SGCZ: variants seen among roughly 807,000 people sequenced by gnomAD.
SGCZ encodes the protein sarcoglycan zeta.
SGCZ carries 40 observed loss-of-function variants against 41.3 expected under a neutral mutation model. The observed-to-expected ratio is 0.97, with a 90% CI of 0.75 to 1.26. SGCZ has a LOEUF of 1.26. Ranked by LOEUF, SGCZ falls within the 50% of genes most tolerant of loss-of-function variation. The pLI, the probability that SGCZ is intolerant of heterozygous loss-of-function variation, is 0.00. For synonymous variants in SGCZ, 206 were observed against 137.5 expected (o/e 1.50, Z -3.49); for missense variants, 552 against 369.8 (o/e 1.49, Z -4.04).
intron 1 of SGCZ, among the ~76,000 whole-genome samples, chr8:15,008,412 CA>C (rs1373042398): frequency 6.6e-6 from 1 of 150,910 alleles, no homozygotes; most frequent in Non-Finnish European, 1.5e-5. Context: ...GATATAACCA[CA>C]ATTAGGAAAA....
At chr8:14,399,116 G>A (rs1009916940) in intron 2 of SGCZ, among the ~76,000 whole-genome samples, 3 of 152,026 alleles carry the variant, frequency 2.0e-5, no homozygotes, top group Admixed American at 6.6e-5. Context: ...AAAGAAAGTG[G>A]CACTCCCATT....
At chr8:14,595,726 A>G (rs1736273440) in intron 1 of SGCZ, among the ~76,000 whole-genome samples, 1 of 152,140 alleles carries the variant, frequency 6.6e-6, no homozygotes, top group African/African-American at 2.4e-5. Flanking sequence ...GCCTTCAGGG[A>G]AAAAAATAAA....
intron 2 of SGCZ, among the ~76,000 whole-genome samples, chr8:14,494,576 T>C (rs1801936359): frequency 1.3e-5 from 2 of 152,094 alleles, no homozygotes; most frequent in Non-Finnish European, 2.9e-5. Flanking sequence ...TTTTTCAATG[T>C]TTAATCATTC....
chr8:15,011,019 T>C (rs902270510), intron 1 of SGCZ, among the ~76,000 whole-genome samples: 3 of 152,088 alleles, frequency 2.0e-5, no homozygotes, highest in African/African-American at 7.3e-5. Flanking sequence ...AAGCTGAAAA[T>C]AATTAAACGA....
intron 1 of SGCZ, among the ~76,000 whole-genome samples, chr8:15,186,834 C>A (rs988559311): frequency 6.6e-6 from 1 of 152,120 alleles, no homozygotes; most frequent in Non-Finnish European, 1.5e-5. Flanking sequence ...TAACTGTGAA[C>A]GCTTGTTTTT....
intron 2 of SGCZ, among the ~76,000 whole-genome samples, chr8:14,431,203 T>C (rs918389053): frequency 7.2e-5 from 11 of 151,944 alleles, no homozygotes; most frequent in Non-Finnish European, 1.2e-4. Context: ...AAAATTCATA[T>C]GGAATCAAAA....
chr8:14,471,151 C>G (rs933721392), intron 2 of SGCZ, among the ~76,000 whole-genome samples: 1 of 152,230 alleles, frequency 6.6e-6, no homozygotes, highest in African/African-American at 2.4e-5. Context: ...GGGCTTTCTT[C>G]CTAAATGTAA....
At chr8:14,328,500 A>T (rs1374514784) in intron 2 of SGCZ, among the ~76,000 whole-genome samples, 1 of 152,184 alleles carries the variant, frequency 6.6e-6, no homozygotes, top group Admixed American at 6.5e-5. Flanking sequence ...TGTGTCTATG[A>T]TAAAGATTAC....
chr8:14,832,877 T>C (rs533037059), intron 1 of SGCZ, among the ~76,000 whole-genome samples: 2 of 152,292 alleles, frequency 1.3e-5, no homozygotes, highest in East Asian at 1.9e-4. Context: ...GATGTTTTAA[T>C]AGGTAGGTTT....
chr8:14,916,473 G>C (rs1011209249), intron 1 of SGCZ, among the ~76,000 whole-genome samples: 6 of 152,194 alleles, frequency 3.9e-5, no homozygotes, highest in Non-Finnish European at 1.5e-5. Flanking sequence ...TAATGTGGTA[G>C]CTGTTTTTTC....
At chr8:14,462,498 G>A (rs1185348835) in intron 2 of SGCZ, among the ~76,000 whole-genome samples, 1 of 151,648 alleles carries the variant, frequency 6.6e-6, no homozygotes, top group African/African-American at 2.4e-5. Context: ...ATAAAACTAT[G>A]CCTCATTCGA....
rs1483260857 is a variant in SGCZ, at chr8:14,969,169, T to C, written c.39+268416A>G. Among the ~76,000 whole-genome samples, 5 of 152,244 alleles carry C rather than the reference T, an allele frequency of 3.3e-5. No homozygotes were observed. The East Asian group carries it at 9.6e-4, about 29-fold the overall frequency. On this transcript the variant is annotated intron_variant, in intron 1 of 7. Coordinates refer to ENST00000382080, the MANE Select transcript of SGCZ (RefSeq NM_139167.4). The stretch of plus-strand genomic sequence containing the variant: ...TTTCAAATAAAAACAGCAGGTTAAA[T>C]TTTGGGCTTAAAATCCAATATGTCA...
intron 1 of SGCZ, among the ~76,000 whole-genome samples, chr8:14,956,478 T>C (rs1800796757): frequency 6.6e-6 from 1 of 152,184 alleles, no homozygotes; most frequent in African/African-American, 2.4e-5. Context: ...ATTTTACATA[T>C]TTTTATAACA....
chr8:14,436,337 A>G (rs1800090900), intron 2 of SGCZ, among the ~76,000 whole-genome samples: 1 of 152,166 alleles, frequency 6.6e-6, no homozygotes. Flanking sequence ...AAGTAGTGAA[A>G]TTTAAGGTTT....
chr8:15,127,878 C>A (rs1393140080), intron 1 of SGCZ, among the ~76,000 whole-genome samples: 2 of 152,268 alleles, frequency 1.3e-5, no homozygotes, highest in East Asian at 1.9e-4. Context: ...ATTTTTCAAG[C>A]CTTACAATCC....
At chr8:15,047,951 A>T (rs1478513882) in intron 1 of SGCZ, among the ~76,000 whole-genome samples, 2 of 151,936 alleles carry the variant, frequency 1.3e-5, no homozygotes, top group Non-Finnish European at 2.9e-5. Flanking sequence ...TTAAAAATAG[A>T]ACTACCATAT....
intron 4 of SGCZ, among the ~76,000 whole-genome samples, chr8:14,202,542 T>A (rs1805489270): frequency 6.6e-6 from 1 of 152,168 alleles, no homozygotes; most frequent in Non-Finnish European, 1.5e-5. Flanking sequence ...TTTTTTTTAA[T>A]ACCCTACATT....
At chr8:14,102,624 A>G in intron 6 of SGCZ, 125 bp from the exon 7 acceptor site, 1 of 910,114 alleles carries the variant, frequency 1.1e-6, no homozygotes, top group Non-Finnish European at 1.4e-6. Flanking sequence ...ACAGACAGGC[A>G]TAAAGGAAAA....
intron 2 of SGCZ, among the ~76,000 whole-genome samples, chr8:14,524,403 T>C (rs1221863547): frequency 6.6e-6 from 1 of 151,964 alleles, no homozygotes; most frequent in Non-Finnish European, 1.5e-5. Flanking sequence ...GACAGCTTCC[T>C]AGTGGAGAAG....
Sources: gnomAD v4.1 joint callset for allele counts (sites outside exome capture counted in the v4.1 genomes callset) on GRCh38, gnomAD v4.1.1 for gene constraint, MANE v1.5 for transcripts, NCBI Gene and HGNC (gene_info 2026-07-23, HGNC 2026-07-21) for gene names.